The following LPO variants were observed in gnomAD, a reference collection of about 807,000 sequenced individuals.
LPO encodes the protein salivary peroxidase.
In LPO, 70 loss-of-function variants were observed where a neutral mutation model predicts 68.4. The ratio of observed to expected loss-of-function variants is 1.02; its 90% CI spans 0.84 to 1.25. LPO has a LOEUF of 1.25. Among genes scored for constraint, LPO ranks in the 50% most tolerant of loss-of-function variants. The pLI, the probability that LPO is intolerant of heterozygous loss-of-function variation, is 0.00. For synonymous variants in LPO, 360 were observed against 357.6 expected, an observed-to-expected ratio of 1.01 and a Z score of -0.08; for missense variants, 873 against 908.4, an observed-to-expected ratio of 0.96 and a Z score of 0.50.
At chr17:58,243,513 T>C (rs1379758415) in intron 2 of LPO, 1 of 222,748 alleles carries the variant, frequency 4.5e-6, no homozygotes, top group Non-Finnish European at 8.9e-6. Context: ...ACACTCTCCT[T>C]GTTGAGAAAA....
intron 1 of LPO, among the ~76,000 whole-genome samples, chr17:58,242,026 C>A (rs535784528): frequency 1.8e-4 from 27 of 152,272 alleles, no homozygotes; most frequent in African/African-American, 6.3e-4. Flanking sequence ...CACCAGTGAA[C>A]GCCGTGCTGC....
At position 58,243,004 on chromosome 17, in the gene LPO, G is replaced by A; in HGVS notation, c.25G>A (p.Ala9Thr). Residue 9 changes from alanine to threonine, a missense_variant, in exon 2 of 13, where the codon GCC becomes ACC. Transcript: ENST00000262290. Reference sequence around the variant, plus strand: ...GATGAGGGTCCTTCTCCATCTCCCAGCCCTCCTGGCTTCCCTCATCTTGCT... The same window carrying A: ...GATGAGGGTCCTTCTCCATCTCCCAACCCTCCTGGCTTCCCTCATCTTGCT... MRVLLHLP[A>T]LLASLILLQA... 1 of 1,614,058 alleles carries A rather than the reference G, an allele frequency of 6.2e-7. No homozygotes were observed. Among genetic ancestry groups the A allele is most frequent in the South Asian group, 1.1e-5 (1 of 91,080 alleles).
At chr17:58,252,778 C>T in intron 8 of LPO, among the ~76,000 whole-genome samples, 1 of 148,344 alleles carries the variant, frequency 6.7e-6, no homozygotes, top group Non-Finnish European at 1.5e-5. Context: ...AATCCCAGCA[C>T]TTTGGGAGGC....
chr17:58,240,902 C>T (rs1236242638), intron 1 of LPO, among the ~76,000 whole-genome samples: 1 of 151,970 alleles, frequency 6.6e-6, no homozygotes, highest in Non-Finnish European at 1.5e-5. Context: ...TTAAAAAAAT[C>T]AGTGATATGG....
intron 2 of LPO, 70 bp downstream of exon 2, chr17:58,243,125 A>G (rs1358100036): frequency 7.0e-7 from 1 of 1,433,396 alleles, no homozygotes; most frequent in Non-Finnish European, 9.8e-7. Flanking sequence ...GGCCTAAGAC[A>G]ACAGAAATGT....
intron 9 of LPO, among the ~76,000 whole-genome samples, chr17:58,262,693 C>A (rs962784099): frequency 6.6e-6 from 1 of 152,134 alleles, no homozygotes; most frequent in African/African-American, 2.4e-5. Flanking sequence ...ACACCCAGCC[C>A]TTTACCATTA....
At chr17:58,250,651 T>A (rs1314692656) in intron 7 of LPO, 30 bp downstream of exon 7, 1 of 1,603,630 alleles carries the variant, frequency 6.2e-7, no homozygotes, top group East Asian at 2.2e-5. Flanking sequence ...CATCTCTGAC[T>A]AGCCCCTTGC....
At position 58,267,807 on chromosome 17, in the gene LPO, G is replaced by C. The variant is rs771457662; in HGVS notation, c.1952G>C (p.Gly651Ala). The C allele has an allele frequency of 6.2e-7, 1 of 1,614,124 alleles. No homozygotes were observed. The highest frequency in any genetic ancestry group is 1.1e-5 in the South Asian group (1 of 91,072). Residue 651 changes from glycine (G) to alanine (A), a missense_variant, in exon 13 of 13, where the codon GGG becomes GCG. By Grantham distance (60) the Gly-to-Ala change is moderately conservative (BLOSUM62 0). Transcript: ENST00000262290. ...TGCAGGTTCTGGTGGGAAAACCCTG[G>C]GGTCTTCACGAACGAGCAGAAGGAC... is the stretch of plus-strand genomic sequence containing the variant. ...DGDRFWWENP[G>A]VFTNEQKDSL...
chr17:58,267,063 A>G (rs1970280369), intron 11 of LPO, among the ~76,000 whole-genome samples: 1 of 152,206 alleles, frequency 6.6e-6, no homozygotes, highest in African/African-American at 2.4e-5. Context: ...ATTACTTAAC[A>G]TTTCTATTCT....
intron 3 of LPO, chr17:58,244,464 G>A (rs1026003548): frequency 4.6e-5 from 10 of 218,298 alleles, no homozygotes; most frequent in African/African-American, 2.1e-4. Context: ...AGCCGAATCC[G>A]AGCCCTGCAT....
chr17:58,244,167 A>T, intron 3 of LPO, 86 bp downstream of exon 3: 7 of 1,126,708 alleles, frequency 6.2e-6, no homozygotes, highest in South Asian at 5.1e-5. Context: ...TGACAAGCAC[A>T]TCTAGGCCAG....
intron 7 of LPO, chr17:58,251,226 C>A (rs1286748378): frequency 6.5e-6 from 1 of 154,900 alleles, no homozygotes; most frequent in Non-Finnish European, 1.4e-5. Context: ...TTGCAGTGAG[C>A]CGAGATCACG....
chr17:58,247,914 A>T (rs139659484), intron 4 of LPO, among the ~76,000 whole-genome samples: 1 of 152,304 alleles, frequency 6.6e-6, no homozygotes, highest in East Asian at 1.9e-4. Context: ...TTTGTATAAC[A>T]CCGTCTGTAA....
At position 58,267,540 on chromosome 17, in the gene LPO, G is replaced by A. The variant is rs769123101; in HGVS notation, c.1885G>A (p.Ala629Thr). The change falls in exon 12 of 13, where the codon GCC becomes ACC. Residue 629 changes from alanine to threonine, a missense_variant. By Grantham distance (58) the Ala-to-Thr change is moderately conservative. Transcript: ENST00000262290. The part of the protein sequence containing the change: ...VERGRVGPLL[A>T]CLLGKQFQQI... ...AAGGGGTCGGGTGGGGCCTCTCCTGGCCTGCCTCTTGGGCAAGCAGTTCCA... is the reference window on the plus strand; with the variant it reads ...AAGGGGTCGGGTGGGGCCTCTCCTGACCTGCCTCTTGGGCAAGCAGTTCCA... 3.1e-6 allele frequency: 5 copies of A among 1,613,766 alleles called. No individual in the cohort carries two copies. The highest frequency in any genetic ancestry group is 2.2e-5 in the South Asian group (2 of 91,070).
rs1970108398 is a variant in LPO, at chr17:58,258,281, A to T, written c.1266+3310A>T. ...CAGTAGTTTCACAGTTTGAGGTCTTAGATTTGTCTTTAATCCATTTTGATT... is the reference window on the plus strand; with the variant it reads ...CAGTAGTTTCACAGTTTGAGGTCTTTGATTTGTCTTTAATCCATTTTGATT... On this transcript the variant is annotated intron_variant, in intron 9 of 12. Transcript: ENST00000262290. 1.3e-5 allele frequency among the ~76,000 whole-genome samples: 2 copies of T among 152,188 alleles called. 1 individual carries two copies.
rs898909985 is a variant in LPO at position 58,250,731 on chromosome 17, G to A, written c.780+110G>A. 1.3e-5 allele frequency: 15 copies of A among 1,152,778 alleles called. No homozygotes were observed. In the East Asian group the frequency reaches 3.2e-4, roughly 25 times the overall value. The allele number at this position is 1,152,778 out of a possible 1,614,324, so 71.4% of individuals were successfully genotyped here. A position where few individuals can be genotyped will look rare whatever the true frequency, so the allele number is the denominator to read the frequency against. ...CTGGATAGATCTGGGATACTGATTT[G>A]GTAGTTTCCCATGCCTCACGTGTCC... On this transcript the variant is annotated intron_variant, in intron 7 of 12. Coordinates refer to ENST00000262290, the MANE Select transcript of LPO (RefSeq NM_006151.3).
In LPO at chr17:58,263,355, G is replaced by T. The variant is rs558005994; in HGVS notation, c.1267-1367G>T. On this transcript the variant is annotated intron_variant, in intron 9 of 12. Transcript: ENST00000262290. The stretch of plus-strand genomic sequence containing the variant: ...TGATTGTCTGTTTACTCAAAACGTG[G>T]CATTTCTGGCTCTTGGTATTATGAG... Among the ~76,000 whole-genome samples the T allele has an allele frequency of 7.2e-5, 11 of 152,278 alleles. No individual in the cohort carries two copies. The East Asian group carries it at 2.1e-3, about 29-fold the overall frequency.
intron 9 of LPO, among the ~76,000 whole-genome samples, chr17:58,259,565 C>T (rs1970138158): frequency 6.6e-6 from 1 of 152,096 alleles, no homozygotes; most frequent in South Asian, 2.1e-4. Context: ...GGATCTTTCC[C>T]TTTCCATACA....
At position 58,249,595 on chromosome 17, in the gene LPO, G is replaced by A; in HGVS notation, c.473G>A (p.Arg158Lys). 1 of 1,603,896 alleles carries A rather than the reference G, an allele frequency of 6.2e-7. No homozygotes were observed. Among genetic ancestry groups the A allele is most frequent in the Non-Finnish European group, 8.5e-7 (1 of 1,179,190 alleles). ...RRKPALGAAN[R>K]ALARWLPAEY... ...AAGCCTGCGCTGGGCGCCGCCAACA[G>A]GGCTCTGGCGCGCTGGCTGCCCGCG... Residue 158 changes from arginine to lysine, a missense_variant, in exon 6 of 13, where the codon AGG (arginine) becomes AAG (lysine). Coordinates refer to ENST00000262290, the MANE Select transcript of LPO (RefSeq NM_006151.3).
Sources: allele counts gnomAD v4.1 joint callset (sites outside exome capture counted in the v4.1 genomes callset), GRCh38; gene constraint gnomAD v4.1.1; transcripts MANE v1.5; gene names NCBI Gene and HGNC (gene_info 2026-07-23, HGNC 2026-07-21).